LRFN5: variants seen among roughly 807,000 people sequenced by gnomAD.
The protein encoded by LRFN5 is leucine-rich repeat and fibronectin type-III domain-containing protein 5.
In LRFN5, 24 loss-of-function variants were observed where a neutral mutation model predicts 45.6. The ratio of observed to expected loss-of-function variants is 0.53; its 90% CI spans 0.38 to 0.74. The LOEUF (loss-of-function observed/expected upper bound fraction) is 0.74, where lower values mean the gene tolerates loss of function less well. Among genes scored for constraint, LRFN5 ranks in the 30% least tolerant of loss-of-function variants. The probability of loss-of-function intolerance (pLI) is 0.00; values close to 1 mark genes in which losing one functional copy is unlikely to be tolerated. For synonymous variants in LRFN5, 340 were observed against 313.8 expected, an observed-to-expected ratio of 1.08 and a Z score of -0.88; for missense variants, 776 against 861.5, an observed-to-expected ratio of 0.90 and a Z score of 1.24.
intron 2 of LRFN5, among the ~76,000 whole-genome samples, chr14:41,821,101 A>AT (rs1888096488): frequency 6.6e-6 from 1 of 151,808 alleles, no homozygotes; most frequent in South Asian, 2.1e-4. Context: ...GATATTTTTA[A>AT]TTTTTTTCTT....
intron 1 of LRFN5, among the ~76,000 whole-genome samples, chr14:41,702,184 C>G (rs1882866708): frequency 6.6e-6 from 1 of 152,212 alleles, no homozygotes; most frequent in Middle Eastern, 3.4e-3. Flanking sequence ...TCTGTAAGTA[C>G]AAGTTAGTGA....
At chr14:41,844,965 T>C (rs1322781458) in intron 2 of LRFN5, among the ~76,000 whole-genome samples, 1 of 152,166 alleles carries the variant, frequency 6.6e-6, no homozygotes, top group African/African-American at 2.4e-5. Flanking sequence ...TTAAAAGATT[T>C]TGGCTTCATG....
chr14:41,639,534 T>G (rs532624836), intron 1 of LRFN5, among the ~76,000 whole-genome samples: 2 of 152,144 alleles, frequency 1.3e-5, no homozygotes, highest in Admixed American at 1.3e-4. Flanking sequence ...TTTGTTCATT[T>G]ATGAAATAGT....
intron 1 of LRFN5, among the ~76,000 whole-genome samples, chr14:41,633,838 CA>C (rs1385223440): frequency 6.6e-6 from 1 of 152,048 alleles, no homozygotes; most frequent in East Asian, 1.9e-4. Context: ...CTATCTTCCT[CA>C]TACACAAGTG....
chr14:41,617,224 A>G (rs1887958734), intron 1 of LRFN5, among the ~76,000 whole-genome samples: 1 of 152,030 alleles, frequency 6.6e-6, no homozygotes, highest in Non-Finnish European at 1.5e-5. Flanking sequence ...ATATTCTGAG[A>G]AGGTGGTCTT....
intron 2 of LRFN5, among the ~76,000 whole-genome samples, chr14:41,825,922 C>A (rs1384738026): frequency 6.6e-6 from 1 of 152,216 alleles, no homozygotes; most frequent in Admixed American, 6.5e-5. Flanking sequence ...CTCCACCTAC[C>A]TTTTCCATAG....
chr14:41,792,836 A>G (rs1454576096), intron 2 of LRFN5, among the ~76,000 whole-genome samples: 1 of 152,078 alleles, frequency 6.6e-6, no homozygotes, highest in Non-Finnish European at 1.5e-5. Context: ...TCCTCAGCTT[A>G]CAAAGATAAC....
chr14:41,893,469 A>G, intron 4 of LRFN5: 1 of 984,822 alleles, frequency 1.0e-6, no homozygotes, highest in Non-Finnish European at 1.2e-6. Context: ...TTTTAGCCAT[A>G]ATATCATAAG....
At chr14:41,792,909 T>C (rs1325931588) in intron 2 of LRFN5, among the ~76,000 whole-genome samples, 1 of 147,912 alleles carries the variant, frequency 6.8e-6, no homozygotes, top group Non-Finnish European at 1.5e-5. Flanking sequence ...TTTTTGTTTG[T>C]ACACTGCATA....
chr14:41,675,475 C>T (rs1179015435), intron 1 of LRFN5, among the ~76,000 whole-genome samples: 5 of 152,148 alleles, frequency 3.3e-5, no homozygotes, highest in African/African-American at 7.2e-5. Flanking sequence ...TGGCGGCGCG[C>T]GCCTGCAATC....
intron 1 of LRFN5, among the ~76,000 whole-genome samples, chr14:41,673,573 T>G (rs1287046937): frequency 9.2e-6 from 1 of 108,338 alleles, no homozygotes. Flanking sequence ...GGGCAGGGGG[T>G]GACCCCCCCC....
At chr14:41,841,747 G>C (rs894018064) in intron 2 of LRFN5, among the ~76,000 whole-genome samples, 1 of 151,570 alleles carries the variant, frequency 6.6e-6, no homozygotes, top group Non-Finnish European at 1.5e-5. Flanking sequence ...CTGTTCACAG[G>C]GTAGATGGGC....
At position 41,860,342 on chromosome 14, in the gene LRFN5, G is replaced by A. The variant is rs183164215; in HGVS notation, c.-20-26264G>A. On this transcript the variant is annotated intron_variant, in intron 2 of 5. Transcript: ENST00000298119. The stretch of plus-strand genomic sequence containing the variant: ...TTCAAACACTAAAGGATTTTAGAAA[G>A]TAAAAGTGTTTCTCCTTTTTAATCC... 9.9e-5 allele frequency among the ~76,000 whole-genome samples: 15 copies of A among 152,216 alleles called. No homozygotes were observed. In the East Asian group the frequency reaches 2.9e-3, roughly 29 times the overall value.
intron 2 of LRFN5, among the ~76,000 whole-genome samples, chr14:41,861,090 A>G (rs1889644404): frequency 6.6e-6 from 1 of 152,180 alleles, no homozygotes; most frequent in African/African-American, 2.4e-5. Context: ...ATACATTTTT[A>G]ATTTAATATG....
intron 2 of LRFN5, among the ~76,000 whole-genome samples, chr14:41,880,875 A>G (rs111755953): frequency 6.0e-4 from 91 of 152,280 alleles, no homozygotes; most frequent in African/African-American, 2.1e-3. Context: ...TCTCTATAAA[A>G]TGCCCATATT....
At chr14:41,709,568 C>G (rs903777793) in intron 1 of LRFN5, among the ~76,000 whole-genome samples, 3 of 151,880 alleles carry the variant, frequency 2.0e-5, no homozygotes, top group African/African-American at 7.3e-5. Flanking sequence ...GAATATCTTA[C>G]CTGCCAGTCC....
chr14:41,708,310 C>T (rs1883148311), intron 1 of LRFN5, among the ~76,000 whole-genome samples: 1 of 151,954 alleles, frequency 6.6e-6, no homozygotes, highest in Non-Finnish European at 1.5e-5. Context: ...AATGGCTAAT[C>T]TTATTCATTC....
chr14:41,770,202 G>A (rs1886031611), intron 2 of LRFN5, among the ~76,000 whole-genome samples: 1 of 152,122 alleles, frequency 6.6e-6, no homozygotes, highest in South Asian at 2.1e-4. Flanking sequence ...GATCTAATAC[G>A]TCTCACTAGG....
intron 2 of LRFN5, among the ~76,000 whole-genome samples, chr14:41,811,564 A>G (rs1887737099): frequency 6.6e-6 from 1 of 152,152 alleles, no homozygotes; most frequent in Non-Finnish European, 1.5e-5. Flanking sequence ...CATGGTATAT[A>G]CACAGTGAAC....
Sources: gnomAD v4.1 joint callset for allele counts (sites outside exome capture counted in the v4.1 genomes callset) on GRCh38, gnomAD v4.1.1 for gene constraint, MANE v1.5 for transcripts, NCBI Gene and HGNC (gene_info 2026-07-23, HGNC 2026-07-21) for gene names.